The following CHIA variants were observed in gnomAD, a reference collection of about 807,000 sequenced individuals.
CHIA encodes chitinase acidic.
Under a neutral mutation model 53.5 loss-of-function variants are expected in CHIA, and 47 were observed. That is an observed-to-expected ratio of 0.88 (90% confidence interval 0.70 to 1.12). CHIA has a LOEUF of 1.12. CHIA is among the 50% of genes most tolerant of loss of function. The pLI is 0.00. For synonymous variants in CHIA, 268 were observed against 222.2 expected (o/e 1.21, Z -1.83); for missense variants, 652 against 592.2 (o/e 1.10, Z -1.05).
At chr1:111,293,010 T>G (rs1661118716) in intron 1 of CHIA, among the ~76,000 whole-genome samples, 1 of 151,294 alleles carries the variant, frequency 6.6e-6, no homozygotes, top group Non-Finnish European at 1.5e-5. Context: ...GTTGCTTGCA[T>G]GTTTTAGCTA....
At chr1:111,293,615 TC>T (rs2101595986) in intron 1 of CHIA, among the ~76,000 whole-genome samples, 1 of 152,362 alleles carries the variant, frequency 6.6e-6, no homozygotes, top group Non-Finnish European at 1.5e-5. Flanking sequence ...TGCATTGTAT[TC>T]TTTTGTTGTC....
chr1:111,318,937 A>T lies in CHIA; in HGVS notation c.916-183A>T, dbSNP rs1354030583. Among the ~76,000 whole-genome samples the T allele has an allele frequency of 2.0e-5, 3 of 152,224 alleles. No individual in the cohort carries two copies. The East Asian group carries it at 5.8e-4, about 29-fold the overall frequency. On this transcript the variant is annotated intron_variant, in intron 9 of 11. Coordinates refer to ENST00000369740, the MANE Select transcript of CHIA (RefSeq NM_201653.4). ...AGGTAATAAAATAAATATACCTCTC[A>T]TATTACTGTGGGTTCCCAAAATCAT...
chr1:111,297,425 A>G (rs1237655783), intron 1 of CHIA, among the ~76,000 whole-genome samples: 1 of 152,216 alleles, frequency 6.6e-6, no homozygotes, highest in East Asian at 1.9e-4. Flanking sequence ...AATATTCAAC[A>G]TTCTTAAATA....
chr1:111,319,534 G>A (rs1192443372), intron 11 of CHIA, 66 bp downstream of exon 11: 58 of 1,494,086 alleles, frequency 3.9e-5, no homozygotes, highest in Non-Finnish European at 5.0e-5. Context: ...AAGCAACCCT[G>A]ATGTCTTCCC....
intron 1 of CHIA, among the ~76,000 whole-genome samples, chr1:111,291,274 A>G (rs2101589878): frequency 6.6e-6 from 1 of 152,332 alleles, no homozygotes; most frequent in African/African-American, 2.4e-5. Context: ...ATGCCCATCA[A>G]TGATAGACTG....
At chr1:111,308,591 A>G (rs1196893020) in intron 1 of CHIA, among the ~76,000 whole-genome samples, 2 of 152,126 alleles carry the variant, frequency 1.3e-5, no homozygotes, top group Non-Finnish European at 2.9e-5. Flanking sequence ...TTCTTTTAGA[A>G]TTTCATTTTG....
intron 4 of CHIA, among the ~76,000 whole-genome samples, chr1:111,312,818 C>T (rs989798098): frequency 6.6e-6 from 1 of 152,076 alleles, no homozygotes; most frequent in Non-Finnish European, 1.5e-5. Flanking sequence ...ACACCACCCC[C>T]AGCCTCTGCT....
rs748311921 is a variant in CHIA at position 111,312,233 on chromosome 1, G to T, written c.99G>T (p.Gln33His). Residue 33 changes from glutamine (Q) to histidine (H), a missense_variant, in exon 4 of 12, where the codon CAG becomes CAT. Gln to His is a conservative substitution (Grantham distance 24). Coordinates refer to ENST00000369740, the MANE Select transcript of CHIA (RefSeq NM_201653.4). ...CATGCTACTTCACCAACTGGGCCCA[G>T]TACCGGCCAGGCCTGGGGCGCTTCA... ...QLTCYFTNWA[Q>H]YRPGLGRFMP... 3.7e-6 allele frequency: 6 copies of T among 1,614,008 alleles called. No individual in the cohort carries two copies. The highest frequency in any genetic ancestry group is 5.1e-6 in the Non-Finnish European group (6 of 1,180,032).
At chr1:111,311,579 C>A in intron 2 of CHIA, 110 bp from the exon 3 acceptor site, 1 of 1,249,404 alleles carries the variant, frequency 8.0e-7, no homozygotes, top group Non-Finnish European at 1.2e-6. Context: ...CCAAATCTCA[C>A]TGAGGTTGTA....
chr1:111,293,412 C>T (rs1661145037), intron 1 of CHIA, among the ~76,000 whole-genome samples: 1 of 151,826 alleles, frequency 6.6e-6, no homozygotes, highest in Non-Finnish European at 1.5e-5. Context: ...AGTCCTTTGT[C>T]CATTTTGAAT....
At chr1:111,314,279 C>T (rs1221253760) in intron 4 of CHIA, among the ~76,000 whole-genome samples, 3 of 152,176 alleles carry the variant, frequency 2.0e-5, no homozygotes, top group Non-Finnish European at 4.4e-5. Context: ...TTTAAACTTA[C>T]ACAATCAAAG....
At chr1:111,313,100 G>A (rs1648820389) in intron 4 of CHIA, among the ~76,000 whole-genome samples, 1 of 152,158 alleles carries the variant, frequency 6.6e-6, no homozygotes, top group Non-Finnish European at 1.5e-5. Context: ...TGTGAATAGT[G>A]CTGCAATGAA....
At position 111,317,708 on chromosome 1, in the gene CHIA, G is replaced by A; in HGVS notation, c.508G>A (p.Ala170Thr). 2.5e-6 allele frequency: 4 copies of A among 1,614,096 alleles called. No homozygotes were observed. Among genetic ancestry groups the A allele is most frequent in the Non-Finnish European group, 3.4e-6 (4 of 1,180,002 alleles). The change falls in exon 7 of 12, where the codon GCC becomes ACC. Residue 170 changes from alanine to threonine, a missense_variant. Physicochemically the swap from Ala to Thr is moderately conservative, Grantham distance 58. Coordinates refer to ENST00000369740, the MANE Select transcript of CHIA (RefSeq NM_201653.4). ...QEMREAFEQE[A>T]KQINKPRLMV... ...AATGCGTGAAGCTTTTGAGCAGGAG[G>A]CCAAGCAGATCAACAAGCCCAGGCT...
intron 1 of CHIA, among the ~76,000 whole-genome samples, chr1:111,304,879 C>T (rs1047156835): frequency 1.5e-4 from 23 of 152,058 alleles, no homozygotes; most frequent in African/African-American, 5.3e-4. Context: ...CTCCCCTTTC[C>T]CCAGAATTTG....
At chr1:111,317,546 A>G in intron 6 of CHIA, 135 bp from the exon 7 acceptor site, 2 of 964,188 alleles carry the variant, frequency 2.1e-6, no homozygotes, top group South Asian at 1.6e-5. Flanking sequence ...TTGGTTGTTG[A>G]GAGACTAAAG....
intron 1 of CHIA, among the ~76,000 whole-genome samples, chr1:111,309,497 G>A (rs1648491833): frequency 6.6e-6 from 1 of 152,210 alleles, no homozygotes; most frequent in South Asian, 2.1e-4. Flanking sequence ...AAAGATCTGA[G>A]TTGGACTTTG....
At chr1:111,291,830 CG>C (rs35285409) in intron 1 of CHIA, among the ~76,000 whole-genome samples, 51,690 of 97,632 alleles carry the variant, frequency 0.53, 9,285 homozygotes, top group East Asian at 0.74. Context: ...TGGGGCCTGT[CG>C]GGGGGGGGTG....
At position 111,320,452 on chromosome 1, in the gene CHIA, T is replaced by G. The variant is rs547890622; in HGVS notation, c.1417T>G (p.Cys473Gly). ...TGTCTTCGACACCAGCTGTGATTGC[T>G]GCAACTGGGCATAAACCTGACCTGG... The part of the protein sequence containing the change: ...GLVFDTSCDC[C>G]NWA The change falls in exon 12 of 12, where the codon TGC (cysteine) becomes GGC (glycine). Residue 473 changes from cysteine (C) to glycine (G), a missense_variant. Cys to Gly is a radical substitution (Grantham distance 159). Coordinates refer to ENST00000369740, the MANE Select transcript of CHIA (RefSeq NM_201653.4). The G allele has an allele frequency of 3.5e-4, 567 of 1,614,070 alleles. 6 individuals are homozygous for G. In the South Asian group the frequency reaches 6.0e-3, roughly 17 times the overall value.
chr1:111,293,109 T>C (rs2101594583), intron 1 of CHIA, among the ~76,000 whole-genome samples: 1 of 152,302 alleles, frequency 6.6e-6, no homozygotes, highest in Admixed American at 6.5e-5. Context: ...AGAAGCGGAA[T>C]TGCTGGATCA....
Sources: allele counts gnomAD v4.1 joint callset (sites outside exome capture counted in the v4.1 genomes callset), GRCh38; gene constraint gnomAD v4.1.1; transcripts MANE v1.5; gene names NCBI Gene and HGNC (gene_info 2026-07-23, HGNC 2026-07-21).